Variants in SPATA2 observed in about 807,000 individuals in gnomAD.
SPATA2 encodes spermatogenesis-associated protein 2.
In SPATA2, 8 loss-of-function variants were observed where a neutral mutation model predicts 35.4. The ratio of observed to expected loss-of-function variants is 0.23; its 90% confidence interval spans 0.13 to 0.41. The LOEUF (loss-of-function observed/expected upper bound fraction) is 0.41, where lower values mean the gene tolerates loss of function less well. Among genes scored for constraint, SPATA2 ranks in the 10% least tolerant of loss-of-function variants. SPATA2 has a pLI of 1.00. For synonymous variants in SPATA2, 293 were observed against 300.9 expected (o/e 0.97, Z 0.27); for missense variants, 650 against 698.7 (o/e 0.93, Z 0.79).
At chr20:49,910,236 A>C (rs1440859712) in intron 1 of SPATA2, among the ~76,000 whole-genome samples, 1 of 152,196 alleles carries the variant, frequency 6.6e-6, no homozygotes, top group Admixed American at 6.5e-5. Flanking sequence ...TCTCCAGGTT[A>C]CTTGGGCAAA....
intron 1 of SPATA2, among the ~76,000 whole-genome samples, 159 bp downstream of exon 1, chr20:49,915,221 G>A (rs2090202934): frequency 6.6e-6 from 1 of 152,076 alleles, no homozygotes; most frequent in Non-Finnish European, 1.5e-5. Context: ...AGGATAGGCT[G>A]GGGGTCCCGG....
intron 1 of SPATA2, among the ~76,000 whole-genome samples, chr20:49,910,168 G>A (rs8125607): frequency 0.24 from 36,575 of 152,166 alleles, 4,641 homozygotes; most frequent in Middle Eastern, 0.31. Context: ...GACAACACGC[G>A]CAGGGTCACG....
At chr20:49,911,933 C>G (rs574279440) in intron 1 of SPATA2, among the ~76,000 whole-genome samples, 1 of 152,232 alleles carries the variant, frequency 6.6e-6, no homozygotes, top group Admixed American at 6.5e-5. Flanking sequence ...CCACGATTCC[C>G]ATGTCCAGCA....
At position 49,906,101 on chromosome 20, in the gene SPATA2, T is replaced by C; in HGVS notation, c.1081A>G (p.Arg361Gly). 1.9e-6 allele frequency: 3 copies of C among 1,611,710 alleles called. No individual in the cohort carries two copies. The highest frequency in any genetic ancestry group is 2.5e-6 in the Non-Finnish European group (3 of 1,179,700). ...TGGTAGAGGGAGTGGGCATCGTTTCTGAGCAGCCACACATCCGGCCGCAGA... is the reference window on the plus strand; with the variant it reads ...TGGTAGAGGGAGTGGGCATCGTTTCCGAGCAGCCACACATCCGGCCGCAGA... The part of the protein sequence containing the change: ...DALRPDVWLL[R>G]NDAHSLYHKR... The change falls in exon 3 of 3, where the codon AGA (arginine) becomes GGA (glycine). Residue 361 changes from arginine to glycine, a missense_variant. Coordinates refer to ENST00000289431, the MANE Select transcript of SPATA2 (RefSeq NM_006038.4). The surrounding 1 kb of genome is among the most constrained non-coding windows in gnomAD (Gnocchi z 8.2).
chr20:49,908,117 G>A, intron 2 of SPATA2, 38 bp downstream of exon 2: 1 of 1,550,092 alleles, frequency 6.5e-7, no homozygotes, highest in Non-Finnish European at 8.7e-7. Flanking sequence ...CAGGAAGAGA[G>A]AAGGAGGGCC....
Position 49,906,374 on chromosome 20 carries a change from C to G in SPATA2, c.808G>C (p.Ala270Pro), listed in dbSNP as rs758733876. The change falls in exon 3 of 3, where the codon GCC becomes CCC. Residue 270 changes from alanine (A) to proline (P), a missense_variant. Ala to Pro is a conservative substitution (Grantham distance 27, BLOSUM62 -1). Transcript: ENST00000289431. This position sits in a 1 kb window ranked among gnomAD's most constrained non-coding sequence, Gnocchi z 8.2. ...YWESRKPPLKASLSLRKEPVA... is the reference protein window; with the variant it reads ...YWESRKPPLKPSLSLRKEPVA... ...GGCTCCTTCCGAAGACTCAATGAGG[C>G]CTTCAGGGGTGGCTTCCGGCTCTCC... is the stretch of plus-strand genomic sequence containing the variant. 6.2e-7 allele frequency: 1 copy of G among 1,613,854 alleles called. No homozygotes were observed. The highest frequency in any genetic ancestry group is 8.5e-7 in the Non-Finnish European group (1 of 1,179,944).
Position 49,906,858 on chromosome 20 carries a change from G to A in SPATA2, c.337-13C>T, listed in dbSNP as rs773845654. The A allele has an allele frequency of 3.3e-5, 52 of 1,585,888 alleles. 1 individual carries two copies. The South Asian group carries it at 5.4e-4, about 17-fold the overall frequency. On this transcript the variant is annotated splice_polypyrimidine_tract_variant and intron_variant, in intron 2 of 2. Coordinates refer to ENST00000289431, the MANE Select transcript of SPATA2 (RefSeq NM_006038.4). This position sits in a 1 kb window ranked among gnomAD's most constrained non-coding sequence, Gnocchi z 8.2. ...GGCCCGTGTAGGTCTAGAAGGGAGG[G>A]AGTAGAAAAGAAAGGTGGGGTTTTC...
At chr20:49,912,549 G>A (rs972563785) in intron 1 of SPATA2, among the ~76,000 whole-genome samples, 1 of 152,188 alleles carries the variant, frequency 6.6e-6, no homozygotes, top group African/African-American at 2.4e-5. Flanking sequence ...TGGCCCCAGG[G>A]TCTGTTTTTT....
Position 49,906,377 on chromosome 20 carries a change from T to G in SPATA2, c.805A>C (p.Lys269Gln). 1 of 1,613,894 alleles carries G rather than the reference T, an allele frequency of 6.2e-7. No homozygotes were observed. Among genetic ancestry groups the G allele is most frequent in the Non-Finnish European group, 8.5e-7 (1 of 1,179,964 alleles). The change falls in exon 3 of 3, where the codon AAG becomes CAG. Residue 269 changes from lysine to glutamine, a missense_variant. Coordinates refer to ENST00000289431, the MANE Select transcript of SPATA2 (RefSeq NM_006038.4). This position sits in a 1 kb window ranked among gnomAD's most constrained non-coding sequence, Gnocchi z 8.2. ...SYWESRKPPLKASLSLRKEPV... is the reference protein window; with the variant it reads ...SYWESRKPPLQASLSLRKEPV... ...TCCTTCCGAAGACTCAATGAGGCCT[T>G]CAGGGGTGGCTTCCGGCTCTCCCAG...
At chr20:49,910,618 G>A (rs934760818) in intron 1 of SPATA2, among the ~76,000 whole-genome samples, 9 of 152,174 alleles carry the variant, frequency 5.9e-5, no homozygotes, top group African/African-American at 2.2e-4. Context: ...AGCTGCAGCA[G>A]GACTGGGCCT....
chr20:49,907,543 G>A (rs892558260), intron 2 of SPATA2, among the ~76,000 whole-genome samples: 2 of 152,104 alleles, frequency 1.3e-5, no homozygotes, highest in Non-Finnish European at 2.9e-5. Flanking sequence ...GAGTAACACG[G>A]CAGACTGAAG....
chr20:49,905,137 A>G lies in SPATA2; in HGVS notation c.*482T>C. The stretch of plus-strand genomic sequence containing the variant: ...CGGCCAAGGGATGAGCCTTTGGGAG[A>G]GGCCCCGTGTGGCAGGAGGGCTCAT... On this transcript the variant is annotated 3_prime_UTR_variant, in exon 3 of 3. Coordinates refer to ENST00000289431, the MANE Select transcript of SPATA2 (RefSeq NM_006038.4). The G allele has an allele frequency of 6.3e-6, 1 of 158,550 alleles. No homozygotes were observed. The highest frequency in any genetic ancestry group is 1.4e-5 in the Non-Finnish European group (1 of 71,502). 9.8% of individuals were successfully genotyped at this position (158,550 alleles called of 1,614,324 possible). A position where few individuals can be genotyped will look rare whatever the true frequency, so the allele number is the denominator to read the frequency against.
At position 49,906,473 on chromosome 20, in the gene SPATA2, G is replaced by A. The variant is rs900677334; in HGVS notation, c.709C>T (p.Arg237Trp). 20 of 1,610,904 alleles carry A rather than the reference G, an allele frequency of 1.2e-5. No homozygotes were observed. The highest frequency in any genetic ancestry group is 2.2e-5 in the East Asian group (1 of 44,894). Residue 237 changes from arginine to tryptophan, a missense_variant, in exon 3 of 3, where the codon CGG becomes TGG. Arg to Trp is a moderately radical substitution (Grantham distance 101). Coordinates refer to ENST00000289431, the MANE Select transcript of SPATA2 (RefSeq NM_006038.4). This position sits in a 1 kb window ranked among gnomAD's most constrained non-coding sequence, Gnocchi z 8.2. ...RVALQKSASE[R>W]AAKDYYKPRV... The stretch of plus-strand genomic sequence containing the variant: ...GGCTTGTAGTAGTCCTTGGCCGCCC[G>A]CTCGCTGGCCGACTTCTGGAGTGCC...
In SPATA2 at chr20:49,905,674, GGCATGA is replaced by G; in HGVS notation, c.1502_1507del (p.Phe501_Pro503delinsSer). The stretch of plus-strand genomic sequence containing the variant: ...GGACTTGTAGTTCAGCTGGTTGTTG[GGCATGA>G]ACTTGTGCAGCTCACTCTTTTTGTA... On this transcript the variant is annotated inframe_deletion, in exon 3 of 3. Transcript: ENST00000289431. The G allele has an allele frequency of 6.2e-7, 1 of 1,614,222 alleles. No homozygotes were observed.
chr20:49,907,396 G>A (rs545057154), intron 2 of SPATA2, among the ~76,000 whole-genome samples: 2 of 152,266 alleles, frequency 1.3e-5, no homozygotes, highest in Admixed American at 6.5e-5. Flanking sequence ...AAAACCTCTC[G>A]CTTCCTAGTG....
rs2090120951 is a variant in SPATA2, at chr20:49,903,790, G to A, written c.*1829C>T. The A allele has an allele frequency of 6.6e-6, 1 of 151,748 alleles. No homozygotes were observed. The highest frequency in any genetic ancestry group is 1.5e-5 in the Non-Finnish European group (1 of 67,964). 9.4% of individuals were successfully genotyped at this position (151,748 alleles called of 1,614,324 possible). ...CCAGGCATTGCCGATTCTGAAATGT[G>A]AAAAGGAAGAACATCAAAGATGAAT... is the stretch of plus-strand genomic sequence containing the variant. On this transcript the variant is annotated 3_prime_UTR_variant, in exon 3 of 3. Coordinates refer to ENST00000289431, the MANE Select transcript of SPATA2 (RefSeq NM_006038.4).
chr20:49,914,049 A>C (rs1442212829), intron 1 of SPATA2, among the ~76,000 whole-genome samples: 5 of 128,348 alleles, frequency 3.9e-5, no homozygotes, highest in East Asian at 2.3e-4. Flanking sequence ...AAAAAAAAAA[A>C]CCCAAAAAAC....
Position 49,908,559 on chromosome 20 carries a change from A to G in SPATA2, c.-69T>C. The stretch of plus-strand genomic sequence containing the variant: ...TAGAGGCAGGGACATCACTAAAAGC[A>G]TGGACATGTTGCCGCCTGGACCAGC... On this transcript the variant is annotated 5_prime_UTR_variant, in exon 2 of 3. The change abolishes an upstream ATG in the 5' untranslated region. Transcript: ENST00000289431. The G allele has an allele frequency of 7.5e-7, 1 of 1,334,934 alleles. No individual in the cohort carries two copies. Among genetic ancestry groups the G allele is most frequent in the Non-Finnish European group, 1.0e-6 (1 of 965,232 alleles). The allele number at this position is 1,334,934 out of a possible 1,614,324, so 82.7% of individuals were successfully genotyped here. A position where few individuals can be genotyped will look rare whatever the true frequency, so the allele number is the denominator to read the frequency against.
Position 49,906,508 on chromosome 20 carries a change from A to G in SPATA2, c.674T>C (p.Met225Thr). The G allele has an allele frequency of 1.9e-6, 3 of 1,611,972 alleles. No homozygotes were observed. The highest frequency in any genetic ancestry group is 2.5e-6 in the Non-Finnish European group (3 of 1,179,830). ...CGACTTCTGGAGTGCCACTCGTGAC[A>G]TGGAGGCCGTCAGGTGCTCCCGGCC... ...AEGREHLTAS[M>T]SRVALQKSAS... The change falls in exon 3 of 3, where the codon ATG becomes ACG. Residue 225 changes from methionine (M) to threonine (T), a missense_variant. Coordinates refer to ENST00000289431, the MANE Select transcript of SPATA2 (RefSeq NM_006038.4). The surrounding 1 kb of genome is among the most constrained non-coding windows in gnomAD (Gnocchi z 8.2).
Sources: gnomAD v4.1 joint callset for allele counts (sites outside exome capture counted in the v4.1 genomes callset) on GRCh38, gnomAD v4.1.1 for gene constraint, Gnocchi (gnomAD v3.1) non-coding constraint, MANE v1.5 for transcripts, NCBI Gene and HGNC (gene_info 2026-07-23, HGNC 2026-07-21) for gene names.